The following KAZN variants were observed in gnomAD, a reference collection of about 807,000 sequenced individuals.
KAZN encodes the protein kazrin, periplakin interacting protein.
Under a neutral mutation model 87.4 loss-of-function variants are expected in KAZN, and 40 were observed. The ratio of observed to expected loss-of-function variants is 0.46; its 90% confidence interval spans 0.36 to 0.60. KAZN has a LOEUF of 0.60. Among genes scored for constraint, KAZN ranks in the 20% least tolerant of loss-of-function variants. The pLI is 0.00. For synonymous variants in KAZN, 466 were observed against 458.3 expected (o/e 1.02, Z -0.22); for missense variants, 898 against 1,073.9 (o/e 0.84, Z 2.29).
intron 2 of KAZN, among the ~76,000 whole-genome samples, chr1:14,475,814 CT>C (rs536640203): frequency 2.0e-5 from 3 of 151,704 alleles, no homozygotes; most frequent in African/African-American, 2.4e-5. Flanking sequence ...CAATGGGCAT[CT>C]TTTTTACGCT....
chr1:14,399,824 C>T (rs1042162127), intron 2 of KAZN, among the ~76,000 whole-genome samples: 2 of 152,100 alleles, frequency 1.3e-5, no homozygotes, highest in African/African-American at 4.8e-5. Context: ...TTACCTCTTC[C>T]CTCCCCATAC....
chr1:15,053,060 A>T (rs1674580035), intron 4 of KAZN, among the ~76,000 whole-genome samples: 2 of 152,112 alleles, frequency 1.3e-5, no homozygotes, highest in Non-Finnish European at 2.9e-5. Context: ...TGTTTGCAGG[A>T]GGGGGAGCTG....
At chr1:14,532,240 C>T (rs559793808) in intron 2 of KAZN, among the ~76,000 whole-genome samples, 2 of 152,028 alleles carry the variant, frequency 1.3e-5, no homozygotes, top group Admixed American at 6.6e-5. Flanking sequence ...CCATCCACCC[C>T]CTCCAAAGCC....
intron 1 of KAZN, among the ~76,000 whole-genome samples, chr1:14,704,532 G>A (rs539739420): frequency 6.6e-6 from 1 of 152,350 alleles, no homozygotes; most frequent in South Asian, 2.1e-4. Context: ...GGAAGCTGGT[G>A]TGGACCTTGG....
chr1:13,942,365 C>A (rs1640961466), intron 1 of KAZN, among the ~76,000 whole-genome samples: 1 of 147,374 alleles, frequency 6.8e-6, no homozygotes, highest in South Asian at 2.2e-4. Flanking sequence ...AAGGTGAAAC[C>A]CCGTCTCTAC....
intron 1 of KAZN, among the ~76,000 whole-genome samples, chr1:13,945,240 G>A (rs71629864): frequency 0.14 from 21,110 of 152,040 alleles, 1,561 homozygotes; most frequent in Middle Eastern, 0.22. Context: ...TTGGGAGGTC[G>A]AGGCAGATGG....
intron 1 of KAZN, among the ~76,000 whole-genome samples, chr1:14,167,032 T>C (rs750656454): frequency 9.2e-5 from 14 of 152,264 alleles, no homozygotes; most frequent in Non-Finnish European, 1.8e-4. Context: ...GTTCTAGGGA[T>C]CAAGGATCAA....
intron 2 of KAZN, among the ~76,000 whole-genome samples, chr1:14,331,390 G>T (rs1321471417): frequency 6.6e-6 from 1 of 152,160 alleles, no homozygotes; most frequent in Admixed American, 6.6e-5. Flanking sequence ...CATATGAGCA[G>T]GATAGTCTCC....
chr1:13,956,584 C>T (rs190867704), intron 1 of KAZN, among the ~76,000 whole-genome samples: 5 of 152,192 alleles, frequency 3.3e-5, no homozygotes, highest in Non-Finnish European at 5.9e-5. Context: ...CCAGGAATCT[C>T]GTGACTAAGT....
chr1:14,085,235 TGTG>T (rs531166869), intron 1 of KAZN, among the ~76,000 whole-genome samples: 99 of 152,330 alleles, frequency 6.5e-4, no homozygotes, highest in African/African-American at 2.4e-3. Flanking sequence ...CTAATTGGAT[TGTG>T]ACTTTTTGGA....
chr1:15,013,376 T>C (rs1022039574), intron 2 of KAZN, among the ~76,000 whole-genome samples: 4 of 151,912 alleles, frequency 2.6e-5, no homozygotes, highest in Admixed American at 6.6e-5. Flanking sequence ...ACAGATGATG[T>C]CAGATGAAAA....
At chr1:14,627,459 T>C (rs1679228166) in intron 1 of KAZN, among the ~76,000 whole-genome samples, 1 of 152,036 alleles carries the variant, frequency 6.6e-6, no homozygotes, top group African/African-American at 2.4e-5. Flanking sequence ...CGAGGAGGCA[T>C]GTCTGCACAG....
chr1:15,006,335 G>A (rs766353427), intron 2 of KAZN, among the ~76,000 whole-genome samples: 33 of 152,208 alleles, frequency 2.2e-4, no homozygotes, highest in Non-Finnish European at 4.3e-4. Flanking sequence ...CCTACCTGCA[G>A]AGGTTTGGTG....
chr1:14,559,572 G>A (rs1674129774), intron 2 of KAZN, among the ~76,000 whole-genome samples: 1 of 152,168 alleles, frequency 6.6e-6, no homozygotes, highest in Non-Finnish European at 1.5e-5. Flanking sequence ...ATGGAAACAG[G>A]CCAGTAGACG....
At position 14,358,355 on chromosome 1, in the gene KAZN, C is replaced by T. The variant is rs569258826; in HGVS notation, c.249+177763C>T. The stretch of plus-strand genomic sequence containing the variant: ...CTAGAGGTCTATCTATTTTGTAAAT[C>T]TTTTAAAAAAAAAAACCAGCTCAGG... On this transcript the variant is annotated intron_variant, in intron 2 of 16. Transcript: ENST00000636203. 4.3e-3 allele frequency among the ~76,000 whole-genome samples: 584 copies of T among 135,206 alleles called. 3 individuals carry two copies. Among genetic ancestry groups the T allele is most frequent in the African/African-American group, 0.013 (520 of 39,162 alleles). 88.7% of individuals were successfully genotyped at this position (135,206 alleles called of 152,430 possible).
intron 2 of KAZN, among the ~76,000 whole-genome samples, chr1:14,486,205 G>GA (rs1459254289): frequency 2.0e-5 from 3 of 152,064 alleles, no homozygotes; most frequent in Non-Finnish European, 2.9e-5. Flanking sequence ...TATCTAGATG[G>GA]AAAAAATGAA....
At chr1:15,075,950 G>C (rs1480869974) in intron 8 of KAZN, among the ~76,000 whole-genome samples, 1 of 152,240 alleles carries the variant, frequency 6.6e-6, no homozygotes, top group African/African-American at 2.4e-5. Flanking sequence ...GCTCTGAGCT[G>C]CCTAATTCCT....
chr1:14,603,784 A>G (rs997172865), intron 1 of KAZN, among the ~76,000 whole-genome samples: 1 of 151,970 alleles, frequency 6.6e-6, no homozygotes, highest in Non-Finnish European at 1.5e-5. Context: ...TAGGAATCCT[A>G]TAGGGTTATA....
chr1:14,865,179 G>A (rs774186180), intron 1 of KAZN, among the ~76,000 whole-genome samples: 20 of 152,152 alleles, frequency 1.3e-4, no homozygotes, highest in South Asian at 4.1e-4. Flanking sequence ...CAGGGACACC[G>A]TTCTCACCAC....
Sources: allele counts gnomAD v4.1 joint callset (sites outside exome capture counted in the v4.1 genomes callset), GRCh38; gene constraint gnomAD v4.1.1; transcripts MANE v1.5; gene names NCBI Gene and HGNC (gene_info 2026-07-23, HGNC 2026-07-21).